SUV39H1: variants seen among roughly 807,000 people sequenced by gnomAD.
SUV39H1 encodes the protein histone-lysine N-methyltransferase SUV39H1.
For missense variants in SUV39H1, 180 were observed against 386.3 expected (o/e 0.47, Z 4.48); for synonymous variants, 141 against 150.5 (o/e 0.94, Z 0.46).
At chrX:48,698,158 C>T (rs1414953755) in intron 1 of SUV39H1, among the ~76,000 whole-genome samples, 1 of 112,252 alleles carries the variant, frequency 8.9e-6, no homozygotes, top group Non-Finnish European at 1.9e-5. Context: ...AAACTGAAAT[C>T]CTTTTCTTAA....
At chrX:48,696,237 C>T (rs1193629117), upstream of SUV39H1, among the ~76,000 whole-genome samples, 1 of 112,393 alleles carries the variant, frequency 8.9e-6, no homozygotes, top group East Asian at 2.8e-4. Flanking sequence ...GTCTGCCTGC[C>T]TCCAGGGAGT....
At chrX:48,701,104 AC>A (rs1473839658) in intron 3 of SUV39H1, among the ~76,000 whole-genome samples, 2 of 111,390 alleles carry the variant, frequency 1.8e-5, no homozygotes, top group African/African-American at 6.5e-5. Flanking sequence ...CTGGAAAGGC[AC>A]TTCCTCTTCT....
chrX:48,705,028 A>C (rs2062486583), intron 3 of SUV39H1, among the ~76,000 whole-genome samples: 1 of 112,192 alleles, frequency 8.9e-6, no homozygotes, highest in African/African-American at 3.2e-5. Context: ...TGGTTTCCTC[A>C]AGGCATTGTT....
At position 48,707,739 on chromosome X, in the gene SUV39H1, C is replaced by T. The variant is rs782031132; in HGVS notation, c.*169C>T. On this transcript the variant is annotated 3_prime_UTR_variant, in exon 6 of 6. Transcript: ENST00000376687. Reference sequence around the variant, plus strand: ...GGGCTGTGGCCGTGGTGAGGACCGACTCCAGGAGTCCCCTTTCCCTGTCCC... The same window carrying T: ...GGGCTGTGGCCGTGGTGAGGACCGATTCCAGGAGTCCCCTTTCCCTGTCCC... The T allele has an allele frequency of 5.0e-6, 3 of 594,850 alleles. No homozygotes were observed. In the Admixed American group the frequency reaches 7.9e-5, roughly 16 times the overall value. The allele number at this position is 594,850 out of a possible 1,213,427, so 49.0% of individuals were successfully genotyped here. A position where few individuals can be genotyped will look rare whatever the true frequency, so the allele number is the denominator to read the frequency against.
In SUV39H1 at chrX:48,699,030, G is replaced by A; in HGVS notation, c.148G>A (p.Asp50Asn). ...TGACTTTGAAGTCGAGTACCTGTGC[G>A]ATTACAAGAAGATCCGCGTGAGTCT... ...LYDFEVEYLC[D>N]YKKIREQEYY... Residue 50 changes from aspartate to asparagine, a missense_variant, in exon 2 of 6, where the codon GAT becomes AAT. Physicochemically the swap from Asp to Asn is conservative, Grantham distance 23. Transcript: ENST00000376687. 5.0e-6 allele frequency: 6 copies of A among 1,209,484 alleles called. No individual in the cohort carries two copies. The highest frequency in any genetic ancestry group is 2.2e-5 in the Admixed American group (1 of 45,787).
intron 3 of SUV39H1, among the ~76,000 whole-genome samples, chrX:48,703,971 A>G (rs1557009726): frequency 9.2e-6 from 1 of 108,256 alleles, no homozygotes; most frequent in Admixed American, 9.8e-5. Flanking sequence ...GCCAGGCTGT[A>G]GCTTTTTTTT....
At position 48,700,829 on chromosome X, in the gene SUV39H1, CTG is replaced by C. The variant is rs782805292; in HGVS notation, c.828+82_828+83del. 6.3e-6 allele frequency: 7 copies of C among 1,104,157 alleles called. No individual in the cohort carries two copies. The African/African-American group carries it at 7.3e-5, about 12-fold the overall frequency. The allele number at this position is 1,104,157 out of a possible 1,213,427, so 91.0% of individuals were successfully genotyped here. A position where few individuals can be genotyped will look rare whatever the true frequency, so the allele number is the denominator to read the frequency against. ...CACAGTGTGCACCCGGCTCTCCTCACTGTGTGTCTGAAACTCCCTGCTTTCCC... is the reference window on the plus strand; with the variant it reads ...CACAGTGTGCACCCGGCTCTCCTCACTGTGTCTGAAACTCCCTGCTTTCCC... On this transcript the variant is annotated intron_variant, in intron 3 of 5. Coordinates refer to ENST00000376687, the MANE Select transcript of SUV39H1 (RefSeq NM_003173.4).
chrX:48,708,231 T>A lies in SUV39H1; in HGVS notation c.*661T>A, dbSNP rs1250249653. ...CCACTGGAAGGGAAGTGGGTGTCCA[T>A]GGGCCACTGAGCAGTGAGAGGAAGG... On this transcript the variant is annotated 3_prime_UTR_variant, in exon 6 of 6. Coordinates refer to ENST00000376687, the MANE Select transcript of SUV39H1 (RefSeq NM_003173.4). 1.5e-5 allele frequency: 2 copies of A among 131,750 alleles called. No homozygotes were observed. The highest frequency in any genetic ancestry group is 8.1e-5 in the Admixed American group (1 of 12,364). 10.9% of individuals were successfully genotyped at this position (131,750 alleles called of 1,213,427 possible). A position where few individuals can be genotyped will look rare whatever the true frequency, so the allele number is the denominator to read the frequency against.
In SUV39H1 at chrX:48,707,597, C is replaced by CT; in HGVS notation, c.*28dup. On this transcript the variant is annotated 3_prime_UTR_variant, in exon 6 of 6. Coordinates refer to ENST00000376687, the MANE Select transcript of SUV39H1 (RefSeq NM_003173.4). ...CCTTAGAAGTCTGAGGCCAGACTGA[C>CT]TGAGGGGGCCTGAAGCTACATGCAC... The CT allele has an allele frequency of 7.5e-6, 9 of 1,207,404 alleles. No individual in the cohort carries two copies. Among genetic ancestry groups the CT allele is most frequent in the African/African-American group, 1.7e-5 (1 of 57,722 alleles).
upstream of SUV39H1, chrX:48,695,647 C>T (rs967473776): frequency 1.8e-5 from 20 of 1,107,078 alleles, no homozygotes; most frequent in Non-Finnish European, 1.5e-5. Context: ...TGCGGTCAGT[C>T]GGATGCTGAG....
chrX:48,707,627 C>T lies in SUV39H1; in HGVS notation c.*57C>T. 1 of 1,180,367 alleles carries T rather than the reference C, an allele frequency of 8.5e-7. No individual in the cohort carries two copies. The highest frequency in any genetic ancestry group is 1.1e-6 in the Non-Finnish European group (1 of 870,191). ...GGGGCCTGAAGCTACATGCACCTCC[C>T]CCACTGCTGCCCTCCTGTCGAGAAT... On this transcript the variant is annotated 3_prime_UTR_variant, in exon 6 of 6. Transcript: ENST00000376687.
upstream of SUV39H1, chrX:48,695,730 G>A: frequency 2.6e-6 from 3 of 1,146,706 alleles, no homozygotes; most frequent in South Asian, 5.8e-5. Flanking sequence ...AATCGGCATA[G>A]CTGTCTGACT....
chrX:48,696,715 C>T, upstream of SUV39H1: 4 of 1,116,414 alleles, frequency 3.6e-6, no homozygotes, highest in Non-Finnish European at 4.7e-6. Flanking sequence ...TGCGCGTTCC[C>T]GGCCACGCCC....
At position 48,706,424 on chromosome X, in the gene SUV39H1, G is replaced by A. The variant is rs202042569; in HGVS notation, c.975+13G>A. The A allele has an allele frequency of 9.8e-5, 118 of 1,204,732 alleles. No homozygotes were observed. The highest frequency in any genetic ancestry group is 1.3e-4 in the South Asian group (7 of 55,751). On this transcript the variant is annotated intron_variant, in intron 4 of 5. Transcript: ENST00000376687. Reference sequence around the variant, plus strand: ...TGTCAACCACAGTGTGGGTACCCCCGGCAGGCGGGCAAGGGGTCGAGAGGG... The same window carrying A: ...TGTCAACCACAGTGTGGGTACCCCCAGCAGGCGGGCAAGGGGTCGAGAGGG...
intron 1 of SUV39H1, 34 bp from the exon 2 acceptor site, chrX:48,698,868 C>T (rs1207654233): frequency 1.7e-6 from 2 of 1,197,378 alleles, no homozygotes; most frequent in Non-Finnish European, 2.3e-6. Flanking sequence ...GTCAGGCTGC[C>T]CAGTAATAGT....
At chrX:48,705,860 C>T (rs1257696570) in intron 3 of SUV39H1, among the ~76,000 whole-genome samples, 1 of 112,510 alleles carries the variant, frequency 8.9e-6, no homozygotes, top group Non-Finnish European at 1.9e-5. Context: ...GTAAGTATCT[C>T]TCCCTGTGGC....
At chrX:48,701,000 G>C (rs2062473474) in intron 3 of SUV39H1, 1 of 446,456 alleles carries the variant, frequency 2.2e-6, no homozygotes, top group Non-Finnish European at 4.0e-6. Context: ...ACTTTATCAG[G>C]GTACTTAGCA....
rs1557010402 is a variant in SUV39H1 at position 48,707,795 on chromosome X, C to T, written c.*225C>T. 1 of 495,105 alleles carries T rather than the reference C, an allele frequency of 2.0e-6. No individual in the cohort carries two copies. Among genetic ancestry groups the T allele is most frequent in the Non-Finnish European group, 3.6e-6 (1 of 275,154 alleles). The allele number at this position is 495,105 out of a possible 1,213,427, so 40.8% of individuals were successfully genotyped here. On this transcript the variant is annotated 3_prime_UTR_variant, in exon 6 of 6. Coordinates refer to ENST00000376687, the MANE Select transcript of SUV39H1 (RefSeq NM_003173.4). Reference sequence around the variant, plus strand: ...CATCTGTGGGTTGCACTTACAAACCCCCACCCACCTTCAGAAATAGTTTTT... The same window carrying T: ...CATCTGTGGGTTGCACTTACAAACCTCCACCCACCTTCAGAAATAGTTTTT...
chrX:48,707,382 TC>T (rs2062494578), intron 5 of SUV39H1, 54 bp from the exon 6 acceptor site: 5 of 776,288 alleles, frequency 6.4e-6, no homozygotes, highest in East Asian at 8.8e-5. Flanking sequence ...TCCCTCCTTC[TC>T]CCCCTCCCTC....
Sources: gnomAD v4.1 joint callset for allele counts (sites outside exome capture counted in the v4.1 genomes callset) on GRCh38, gnomAD v4.1.1 for gene constraint, MANE v1.5 for transcripts, NCBI Gene and HGNC (gene_info 2026-07-23, HGNC 2026-07-21) for gene names.